The following RTN4RL1 variants were observed in gnomAD, a reference collection of about 807,000 sequenced individuals.
The protein encoded by RTN4RL1 is reticulon 4 receptor like 1.
RTN4RL1 carries 7 observed loss-of-function variants against 25.6 expected under a neutral mutation model. The observed-to-expected ratio is 0.27, with a 90% CI of 0.16 to 0.51. RTN4RL1 has a LOEUF of 0.51. RTN4RL1 is among the 20% of genes least tolerant of loss of function. The probability of loss-of-function intolerance (pLI) is 0.97; values close to 1 mark genes in which losing one functional copy is unlikely to be tolerated. For synonymous variants in RTN4RL1, 297 were observed against 288.2 expected (o/e 1.03, Z -0.31); for missense variants, 500 against 615.6 (o/e 0.81, Z 1.99).
intron 1 of RTN4RL1, among the ~76,000 whole-genome samples, chr17:1,993,685 C>A (rs2066918848): frequency 6.6e-6 from 1 of 151,990 alleles, no homozygotes; most frequent in South Asian, 2.1e-4. Flanking sequence ...GAACCCAAGT[C>A]CCCCATTGCA....
intron 1 of RTN4RL1, among the ~76,000 whole-genome samples, chr17:1,946,583 C>T (rs1031619572): frequency 3.5e-5 from 5 of 143,558 alleles, no homozygotes; most frequent in Admixed American, 7.0e-5. Flanking sequence ...TGTGTGTGCA[C>T]GGGGTCTGTG....
chr17:1,964,611 A>G (rs1037104573), intron 1 of RTN4RL1, among the ~76,000 whole-genome samples: 11 of 151,786 alleles, frequency 7.2e-5, no homozygotes, highest in Admixed American at 7.2e-4. Flanking sequence ...GGGCGCCTGT[A>G]GTCCCAGCTA....
At position 2,024,929 on chromosome 17, in the gene RTN4RL1, A is replaced by G; in HGVS notation, c.-64T>C. ...GCACTCCCTCCCGGGGTCCAGATTC[A>G]AATCCCTGGGCGCCAGCTGCAGCTA... On this transcript the variant is annotated 5_prime_UTR_variant, in exon 1 of 2. The change abolishes the stop of an existing upstream ORF in the 5' untranslated region. Coordinates refer to ENST00000331238, the MANE Select transcript of RTN4RL1 (RefSeq NM_178568.4). 1 of 1,518,550 alleles carries G rather than the reference A, an allele frequency of 6.6e-7. No individual in the cohort carries two copies. Among genetic ancestry groups the G allele is most frequent in the Non-Finnish European group, 8.9e-7 (1 of 1,124,040 alleles). The allele number at this position is 1,518,550 out of a possible 1,614,324, so 94.1% of individuals were successfully genotyped here.
rs1915295756 is a variant in RTN4RL1 at position 1,936,027 on chromosome 17, C to T, written c.*469G>A. The T allele has an allele frequency of 2.0e-6, 2 of 989,360 alleles. No homozygotes were observed. Among genetic ancestry groups the T allele is most frequent in the East Asian group, 1.1e-4 (1 of 8,888 alleles). 61.3% of individuals were successfully genotyped at this position (989,360 alleles called of 1,614,324 possible). A position where few individuals can be genotyped will look rare whatever the true frequency, so the allele number is the denominator to read the frequency against. Reference sequence around the variant, plus strand: ...GCCTCAGGCAAGAGCCAAGATGCCACCTGCTCGTGTGTGCCCAGACTGCTG... The same window carrying T: ...GCCTCAGGCAAGAGCCAAGATGCCATCTGCTCGTGTGTGCCCAGACTGCTG... On this transcript the variant is annotated 3_prime_UTR_variant, in exon 2 of 2. Coordinates refer to ENST00000331238, the MANE Select transcript of RTN4RL1 (RefSeq NM_178568.4).
rs1285568232 is a variant in RTN4RL1 at position 1,935,006 on chromosome 17, C to T, written c.*1490G>A. 6.7e-6 allele frequency: 1 copy of T among 150,290 alleles called. No homozygotes were observed. 9.3% of individuals were successfully genotyped at this position (150,290 alleles called of 1,614,324 possible). A position where few individuals can be genotyped will look rare whatever the true frequency, so the allele number is the denominator to read the frequency against. On this transcript the variant is annotated 3_prime_UTR_variant, in exon 2 of 2. Coordinates refer to ENST00000331238, the MANE Select transcript of RTN4RL1 (RefSeq NM_178568.4). ...AGTGCCTGAGATGGTTCATGAAATGCCCTCATTGTTCCCCTTCTGCTAAGG... is the reference window on the plus strand; with the variant it reads ...AGTGCCTGAGATGGTTCATGAAATGTCCTCATTGTTCCCCTTCTGCTAAGG...
rs745963904 is a variant in RTN4RL1 at position 1,936,697 on chromosome 17, G to A, written c.1125C>T (p.Pro375=). 14 of 1,583,410 alleles carry A rather than the reference G, an allele frequency of 8.8e-6. No homozygotes were observed. Among genetic ancestry groups the A allele is most frequent in the South Asian group, 3.5e-5 (3 of 85,688 alleles). ...ISKAGAGKQA[P]ELPDYAPDYQ... is the part of the protein sequence containing the mutation. ...AGTCTGGGGCATAGTCTGGCAGCTCGGGGGCCTGTTTCCCGGCGCCCGCCT... is the reference window on the plus strand; with the variant it reads ...AGTCTGGGGCATAGTCTGGCAGCTCAGGGGCCTGTTTCCCGGCGCCCGCCT... Residue 375 remains proline, a synonymous_variant, in exon 2 of 2, where the codon CCC becomes CCT. Coordinates refer to ENST00000331238, the MANE Select transcript of RTN4RL1 (RefSeq NM_178568.4).
intron 1 of RTN4RL1, among the ~76,000 whole-genome samples, chr17:1,968,431 C>T (rs1484945676): frequency 1.3e-5 from 2 of 152,180 alleles, no homozygotes; most frequent in Non-Finnish European, 2.9e-5. Flanking sequence ...TCACTCATCT[C>T]CTGCCTTTGC....
At chr17:1,972,548 G>A (rs1346050199) in intron 1 of RTN4RL1, among the ~76,000 whole-genome samples, 1 of 151,916 alleles carries the variant, frequency 6.6e-6, no homozygotes, top group Non-Finnish European at 1.5e-5. Context: ...CCCCTGCAAC[G>A]CCCTCTCTAC....
chr17:1,937,393 G>T lies in RTN4RL1; in HGVS notation c.429C>A (p.Gly143=). ...GCAGGCTGTGCAGGCCGCCAAAGAC[G>T]CCGGCCGGCAAGGCGCTGAGCCCAC... ...YKCGLSALPA[G]VFGGLHSLQY... is the part of the protein sequence containing the mutation. Residue 143 remains glycine (G), a synonymous_variant, in exon 2 of 2, where the codon GGC becomes GGA. Coordinates refer to ENST00000331238, the MANE Select transcript of RTN4RL1 (RefSeq NM_178568.4). The T allele has an allele frequency of 6.2e-7, 1 of 1,613,696 alleles. No homozygotes were observed. The highest frequency in any genetic ancestry group is 8.5e-7 in the Non-Finnish European group (1 of 1,179,838).
intron 1 of RTN4RL1, among the ~76,000 whole-genome samples, chr17:1,966,948 A>T (rs993465220): frequency 1.3e-5 from 2 of 151,906 alleles, no homozygotes; most frequent in East Asian, 3.9e-4. Context: ...TGGCCTTCCC[A>T]GCATCCTCAC....
chr17:2,003,874 C>T (rs2066975440), intron 1 of RTN4RL1, among the ~76,000 whole-genome samples: 1 of 150,990 alleles, frequency 6.6e-6, no homozygotes, highest in Non-Finnish European at 1.5e-5. Context: ...AGTTCGAGAC[C>T]AGCCTGGCCA....
chr17:1,944,968 T>C (rs1915508397), intron 1 of RTN4RL1, among the ~76,000 whole-genome samples: 1 of 152,186 alleles, frequency 6.6e-6, no homozygotes, highest in Admixed American at 6.5e-5. Context: ...CCAAGTCTGT[T>C]CTGTGGCCCA....
rs557821549 is a variant in RTN4RL1 at position 1,951,781 on chromosome 17, G to T, written c.14-13973C>A. Among the ~76,000 whole-genome samples, 4 of 152,308 alleles carry T rather than the reference G, an allele frequency of 2.6e-5. No homozygotes were observed. In the East Asian group the frequency reaches 5.8e-4, roughly 22 times the overall value. On this transcript the variant is annotated intron_variant, in intron 1 of 1. Coordinates refer to ENST00000331238, the MANE Select transcript of RTN4RL1 (RefSeq NM_178568.4). ...AGCCACAAAGTTTTTCAGGAAGAGG[G>T]ATAATCAACTGTGATGAGGACTGCC...
At chr17:1,986,036 C>A (rs1001879680) in intron 1 of RTN4RL1, among the ~76,000 whole-genome samples, 4 of 152,076 alleles carry the variant, frequency 2.6e-5, no homozygotes, top group African/African-American at 9.7e-5. Flanking sequence ...ACCTTGACAG[C>A]TCTGTCTCCA....
intron 1 of RTN4RL1, among the ~76,000 whole-genome samples, chr17:1,981,249 T>C (rs2066866077): frequency 6.6e-6 from 1 of 151,770 alleles, no homozygotes; most frequent in African/African-American, 2.4e-5. Context: ...GGTATAGTAG[T>C]GCACACCTGT....
At chr17:1,972,300 G>A (rs1000728252) in intron 1 of RTN4RL1, among the ~76,000 whole-genome samples, 5 of 148,114 alleles carry the variant, frequency 3.4e-5, no homozygotes, top group African/African-American at 5.0e-5. Context: ...AGCAATACTC[G>A]GTCTCAAAAA....
intron 1 of RTN4RL1, among the ~76,000 whole-genome samples, chr17:1,947,346 G>A (rs771003289): frequency 2.0e-4 from 30 of 152,198 alleles, no homozygotes; most frequent in Admixed American, 2.0e-4. Context: ...TGCCTGTCTC[G>A]GGACTGTGGA....
intron 1 of RTN4RL1, among the ~76,000 whole-genome samples, chr17:1,989,451 G>A (rs111238348): frequency 1.3e-5 from 2 of 152,186 alleles, no homozygotes; most frequent in African/African-American, 4.8e-5. Context: ...TCTACTGCGA[G>A]CACGCTGGAG....
At chr17:1,939,318 A>C (rs1353925674) in intron 1 of RTN4RL1, among the ~76,000 whole-genome samples, 23 of 151,998 alleles carry the variant, frequency 1.5e-4, no homozygotes, top group Admixed American at 1.4e-3. Context: ...GTGCCACTGC[A>C]CTCCAGCCTG....
Sources: allele counts gnomAD v4.1 joint callset (sites outside exome capture counted in the v4.1 genomes callset), GRCh38; gene constraint gnomAD v4.1.1; transcripts MANE v1.5; gene names NCBI Gene and HGNC (gene_info 2026-07-23, HGNC 2026-07-21).